Variants in KATNA1 observed in about 807,000 individuals in gnomAD.
The protein encoded by KATNA1 is katanin catalytic subunit A1, also known as katanin p60 ATPase-containing subunit A1.
Under a neutral mutation model 62.6 loss-of-function variants are expected in KATNA1, and 42 were observed. That is an observed-to-expected ratio of 0.67 (90% CI 0.52 to 0.87). The LOEUF (loss-of-function observed/expected upper bound fraction) is 0.87, where lower values mean the gene tolerates loss of function less well. KATNA1 is among the 40% of genes least tolerant of loss of function. The pLI, the probability that KATNA1 is intolerant of heterozygous loss-of-function variation, is 0.00. For synonymous variants in KATNA1, 186 were observed against 201.9 expected (o/e 0.92, Z 0.67); for missense variants, 498 against 612.5 (o/e 0.81, Z 1.97).
intron 7 of KATNA1, 101 bp from the exon 8 acceptor site, chr6:149,598,451 A>G: frequency 8.8e-7 from 1 of 1,134,312 alleles, no homozygotes; most frequent in South Asian, 1.4e-5. Context: ...GAGGCTGGGC[A>G]CAGTGGCTCA....
chr6:149,596,029 G>A (rs934844168), intron 10 of KATNA1, among the ~76,000 whole-genome samples: 23 of 152,126 alleles, frequency 1.5e-4, no homozygotes, highest in Non-Finnish European at 2.8e-4. Flanking sequence ...CAGTCATTTC[G>A]TATTTTATAA....
At chr6:149,646,962 C>T (rs1780509143) in intron 1 of KATNA1, among the ~76,000 whole-genome samples, 1 of 152,118 alleles carries the variant, frequency 6.6e-6, no homozygotes, top group Non-Finnish European at 1.5e-5. Flanking sequence ...ACAAGATTCT[C>T]TAATCCTCAA....
intron 4 of KATNA1, among the ~76,000 whole-genome samples, chr6:149,614,952 T>C (rs1779103678): frequency 6.6e-6 from 1 of 151,834 alleles, no homozygotes; most frequent in African/African-American, 2.4e-5. Flanking sequence ...CTGACCAACA[T>C]GGTGAAACCG....
rs888347343 is a variant in KATNA1 at position 149,638,508 on chromosome 6, G to A, written c.40C>T (p.Arg14Cys). ...LMISENVKLA[R>C]EYALLGNYDS... is the part of the protein sequence containing the mutation. ...TAGTTTCCCAGCAATGCATATTCAC[G>A]AGCCAATTTTACATTCTCACTAATC... Residue 14 changes from arginine (R) to cysteine (C), a missense_variant, in exon 2 of 11, where the codon CGT becomes TGT. Physicochemically the swap from Arg to Cys is radical, Grantham distance 180. Coordinates refer to ENST00000367411, the MANE Select transcript of KATNA1 (RefSeq NM_007044.4). The A allele has an allele frequency of 9.9e-6, 16 of 1,613,322 alleles. No homozygotes were observed. The highest frequency in any genetic ancestry group is 3.3e-5 in the Admixed American group (2 of 59,946).
chr6:149,600,194 T>TAAAA (rs67468519), intron 7 of KATNA1, among the ~76,000 whole-genome samples: 16 of 67,986 alleles, frequency 2.4e-4, no homozygotes, highest in African/African-American at 3.1e-4. Context: ...GAGCTTATCT[T>TAAAA]AAAAAAAAAA....
intron 3 of KATNA1, among the ~76,000 whole-genome samples, chr6:149,624,666 C>T (rs1156457129): frequency 1.3e-5 from 2 of 152,030 alleles, no homozygotes; most frequent in African/African-American, 4.8e-5. Context: ...AGGCGTGAGC[C>T]CCTGTGTTGG....
intron 3 of KATNA1, among the ~76,000 whole-genome samples, chr6:149,626,996 T>C (rs914325883): frequency 6.6e-6 from 1 of 151,332 alleles, no homozygotes; most frequent in African/African-American, 2.4e-5. Flanking sequence ...AAAATAATAA[T>C]AATAATTTCA....
intron 4 of KATNA1, among the ~76,000 whole-genome samples, chr6:149,617,659 A>G (rs9379348): frequency 0.46 from 69,309 of 150,974 alleles, 17,084 homozygotes; most frequent in East Asian, 0.81. Flanking sequence ...ATATTGCCAG[A>G]CGAGGTGGCT....
rs1778350263 is a variant in KATNA1, at chr6:149,597,113, T to C, written c.1227A>G (p.Ile409Met). ...ELADDVDLAS[I>M]AENMEGYSGA... The stretch of plus-strand genomic sequence containing the variant: ...CTGAATAACCTTCCATGTTTTCTGC[T>C]ATACTTGCAAGGTCAACATCATCAG... The change falls in exon 10 of 11, where the codon ATA (isoleucine) becomes ATG (methionine). Residue 409 changes from isoleucine (I) to methionine (M), a missense_variant. Physicochemically the swap from Ile to Met is conservative, Grantham distance 10. Around this residue, in one of 3 missense-constraint regions of KATNA1, gnomAD observed 267 missense variants for 372.6 expected, o/e 0.72. Transcript: ENST00000367411. The C allele has an allele frequency of 6.2e-7, 1 of 1,614,148 alleles. No individual in the cohort carries two copies. The highest frequency in any genetic ancestry group is 8.5e-7 in the Non-Finnish European group (1 of 1,179,950).
chr6:149,601,919 C>T (rs561984616), intron 6 of KATNA1, 167 bp from the exon 7 acceptor site: 5 of 464,904 alleles, frequency 1.1e-5, no homozygotes, highest in South Asian at 7.9e-5. Context: ...TTACTCTTCC[C>T]GTTAAAAAAG....
intron 5 of KATNA1, 76 bp downstream of exon 5, chr6:149,604,585 C>T: frequency 1.4e-6 from 2 of 1,476,132 alleles, no homozygotes; most frequent in Non-Finnish European, 1.9e-6. Flanking sequence ...CTCTTCAGTA[C>T]ATGCTCACAT....
At chr6:149,613,211 A>AAAAAAAAAAAAAT in intron 4 of KATNA1, among the ~76,000 whole-genome samples, 1 of 140,014 alleles carries the variant, frequency 7.1e-6, no homozygotes, top group Non-Finnish European at 1.5e-5. Context: ...AAAAAAAAAA[A>AAAAAAAAAAAAAT]AAAAAAGAAC....
intron 4 of KATNA1, among the ~76,000 whole-genome samples, chr6:149,620,356 T>C (rs1217711028): frequency 6.6e-6 from 1 of 152,168 alleles, no homozygotes; most frequent in African/African-American, 2.4e-5. Flanking sequence ...TGGAGTGCAG[T>C]GGCGCGATCT....
chr6:149,610,816 C>A (rs1778920608), intron 4 of KATNA1, among the ~76,000 whole-genome samples: 1 of 152,184 alleles, frequency 6.6e-6, no homozygotes, highest in African/African-American at 2.4e-5. Context: ...GATCACACCA[C>A]TGCACTCCAG....
At chr6:149,605,001 C>T (rs529627718) in intron 4 of KATNA1, among the ~76,000 whole-genome samples, 4 of 152,018 alleles carry the variant, frequency 2.6e-5, no homozygotes, top group African/African-American at 4.8e-5. Flanking sequence ...GGTGAAACCC[C>T]ATCTCTACTA....
rs537029494 is a variant in KATNA1 at position 149,596,012 on chromosome 6, T to C, written c.1278-778A>G. Among the ~76,000 whole-genome samples, 4 of 152,338 alleles carry C rather than the reference T, an allele frequency of 2.6e-5. No homozygotes were observed. In the South Asian group the frequency reaches 8.3e-4, roughly 32 times the overall value. On this transcript the variant is annotated intron_variant, in intron 10 of 10. Coordinates refer to ENST00000367411, the MANE Select transcript of KATNA1 (RefSeq NM_007044.4). The stretch of plus-strand genomic sequence containing the variant: ...ATTCTGTGCATATGCCAAGTCAATA[T>C]ATTTCACAGTCATTTCGTATTTTAT...
chr6:149,636,639 T>C (rs1780072979), intron 2 of KATNA1, among the ~76,000 whole-genome samples: 2 of 134,416 alleles, frequency 1.5e-5, no homozygotes, highest in Non-Finnish European at 3.2e-5. Flanking sequence ...AAAAAGACTA[T>C]TACTTTCATT....
At chr6:149,626,598 T>G (rs1779619620) in intron 3 of KATNA1, among the ~76,000 whole-genome samples, 1 of 150,844 alleles carries the variant, frequency 6.6e-6, no homozygotes, top group African/African-American at 2.5e-5. Flanking sequence ...TACTTTTACA[T>G]ACAATGTTAC....
chr6:149,612,107 A>G (rs913452394), intron 4 of KATNA1, among the ~76,000 whole-genome samples: 1 of 152,166 alleles, frequency 6.6e-6, no homozygotes, highest in African/African-American at 2.4e-5. Flanking sequence ...ACCACAACTC[A>G]CCTAATAAAA....
Sources: gnomAD v4.1 joint callset for allele counts (sites outside exome capture counted in the v4.1 genomes callset) on GRCh38, gnomAD v4.1.1 for gene constraint, gnomAD v4.1.1 regional missense constraint, MANE v1.5 for transcripts, NCBI Gene and HGNC (gene_info 2026-07-23, HGNC 2026-07-21) for gene names.